Variants in MGAT4C observed in about 807,000 individuals in gnomAD.
MGAT4C encodes alpha-1,3-mannosyl-glycoprotein 4-beta-N-acetylglucosaminyltransferase C.
A neutral mutation model predicts 40.1 loss-of-function variants in MGAT4C; 19 were observed. The observed-to-expected ratio is 0.47, with a 90% CI of 0.33 to 0.70. The LOEUF (loss-of-function observed/expected upper bound fraction) is 0.70. MGAT4C is among the 30% of genes least tolerant of loss of function. The pLI is 0.02. For missense variants in MGAT4C, 491 were observed against 563.2 expected, an observed-to-expected ratio of 0.87 and a Z score of 1.30; for synonymous variants, 181 against 187.1, an observed-to-expected ratio of 0.97 and a Z score of 0.27.
intron 2 of MGAT4C, among the ~76,000 whole-genome samples, chr12:86,045,081 T>G (rs1217000889): frequency 6.6e-6 from 1 of 152,094 alleles, no homozygotes; most frequent in African/African-American, 2.4e-5. Context: ...CCAGGGTCTG[T>G]GTCCTCCTTC....
At chr12:86,650,475 C>T (rs964559413) in intron 2 of MGAT4C, among the ~76,000 whole-genome samples, 1 of 151,840 alleles carries the variant, frequency 6.6e-6, no homozygotes, top group African/African-American at 2.4e-5. Flanking sequence ...ATTAGGTGCA[C>T]AGGAACACAG....
intron 2 of MGAT4C, among the ~76,000 whole-genome samples, chr12:86,595,521 AC>A (rs1436557548): frequency 1.3e-5 from 2 of 149,546 alleles, no homozygotes; most frequent in African/African-American, 4.9e-5. Context: ...ACAGAGTGAA[AC>A]TCTGTCTCAA....
intron 2 of MGAT4C, among the ~76,000 whole-genome samples, chr12:86,588,825 G>T (rs1011280822): frequency 1.1e-4 from 16 of 151,726 alleles, no homozygotes; most frequent in Non-Finnish European, 1.6e-4. Context: ...CGAAATGAAG[G>T]CAGAAATAAA....
At chr12:86,172,646 G>T (rs1365439767) in intron 1 of MGAT4C, among the ~76,000 whole-genome samples, 3 of 152,100 alleles carry the variant, frequency 2.0e-5, no homozygotes, top group South Asian at 2.1e-4. Context: ...TTGAATTATG[G>T]TGTTTATTCA....
intron 1 of MGAT4C, among the ~76,000 whole-genome samples, chr12:86,216,563 G>A (rs910565190): frequency 3.3e-5 from 5 of 152,046 alleles, no homozygotes; most frequent in Non-Finnish European, 7.4e-5. Context: ...GAGCTATTTA[G>A]GTTTATATAT....
intron 2 of MGAT4C, among the ~76,000 whole-genome samples, chr12:86,479,082 A>AT (rs1957889242): frequency 6.6e-6 from 1 of 152,042 alleles, no homozygotes; most frequent in Admixed American, 6.6e-5. Flanking sequence ...ACACTTCCTC[A>AT]TATCTTAAAA....
intron 1 of MGAT4C, among the ~76,000 whole-genome samples, chr12:86,804,709 G>C (rs1353960163): frequency 6.6e-6 from 1 of 151,956 alleles, no homozygotes; most frequent in Non-Finnish European, 1.5e-5. Context: ...TTAAGTGACA[G>C]ATCCCTAAAT....
At chr12:86,411,757 G>A (rs1956609311) in intron 3 of MGAT4C, among the ~76,000 whole-genome samples, 1 of 152,174 alleles carries the variant, frequency 6.6e-6, no homozygotes, top group Non-Finnish European at 1.5e-5. Context: ...CTAAATGTTA[G>A]TAGCCAAGGC....
intron 1 of MGAT4C, among the ~76,000 whole-genome samples, chr12:86,213,006 G>A (rs1355796362): frequency 1.4e-5 from 2 of 147,958 alleles, no homozygotes; most frequent in African/African-American, 2.5e-5. Flanking sequence ...TTAAAAGTAA[G>A]CTCTAAATTG....
rs116104010 is a variant in MGAT4C, at chr12:86,281,755, A to T, written c.-57+52310T>A. ...CCAGCAAACCTGATTCTGCATTCTT[A>T]TCATGCAGTACTGTTTGTGGTAGGT... On this transcript the variant is annotated intron_variant, in intron 4 of 7. Coordinates refer to the MGAT4C transcript ENST00000548651. Among the ~76,000 whole-genome samples the T allele has an allele frequency of 9.6e-3, 1,464 of 152,098 alleles. 21 individuals carry two copies. Among genetic ancestry groups the T allele is most frequent in the African/African-American group, 0.033 (1,377 of 41,480 alleles).
At chr12:86,539,485 C>T (rs1007237026) in intron 2 of MGAT4C, among the ~76,000 whole-genome samples, 83 of 152,216 alleles carry the variant, frequency 5.5e-4, no homozygotes, top group Non-Finnish European at 9.4e-4. Flanking sequence ...AATAAACATA[C>T]GTGTGCATGT....
At chr12:86,781,850 G>T (rs900488069) in intron 1 of MGAT4C, among the ~76,000 whole-genome samples, 11 of 152,024 alleles carry the variant, frequency 7.2e-5, no homozygotes, top group African/African-American at 2.7e-4. Flanking sequence ...GTGTAGGTTT[G>T]TATAGAATTG....
At chr12:86,786,869 T>C (rs1951939167) in intron 1 of MGAT4C, among the ~76,000 whole-genome samples, 1 of 152,174 alleles carries the variant, frequency 6.6e-6, no homozygotes, top group Non-Finnish European at 1.5e-5. Flanking sequence ...ATTTTGTTTA[T>C]AATACTTTCC....
Position 86,362,238 on chromosome 12 carries a change from C to T in MGAT4C, c.-119-28111G>A, listed in dbSNP as rs75118306. Among the ~76,000 whole-genome samples, 3,097 of 152,138 alleles carry T rather than the reference C, an allele frequency of 0.02. 224 individuals carry two copies. The East Asian group carries it at 0.25, about 12-fold the overall frequency. On this transcript the variant is annotated intron_variant, in intron 3 of 7. Transcript: ENST00000548651. ...CATTCTCAGCAAACTATCGCAAGGA[C>T]GGAAAACCAAACACTGCATGTTCTC... is the stretch of plus-strand genomic sequence containing the variant.
intron 1 of MGAT4C, among the ~76,000 whole-genome samples, chr12:86,242,205 C>A (rs1456790923): frequency 6.6e-6 from 1 of 152,134 alleles, no homozygotes; most frequent in Non-Finnish European, 1.5e-5. Flanking sequence ...AGTTAACAGG[C>A]AGACATTGAT....
At chr12:86,835,243 A>G (rs946343095) in intron 1 of MGAT4C, among the ~76,000 whole-genome samples, 1 of 151,968 alleles carries the variant, frequency 6.6e-6, no homozygotes, top group African/African-American at 2.4e-5. Flanking sequence ...TTGAGACCCA[A>G]TAAAAACAGT....
intron 1 of MGAT4C, among the ~76,000 whole-genome samples, chr12:86,756,330 G>A (rs185097900): frequency 2.1e-4 from 32 of 151,970 alleles, no homozygotes; most frequent in Admixed American, 2.0e-3. Flanking sequence ...TGTGAGTCCC[G>A]CCTACACAAC....
chr12:86,379,147 A>AC lies in MGAT4C; in HGVS notation c.-119-45021dup, dbSNP rs1565717906. Among the ~76,000 whole-genome samples, 24 of 152,218 alleles carry AC rather than the reference A, an allele frequency of 1.6e-4. 1 individual carries two copies. In the South Asian group the frequency reaches 5.0e-3, roughly 32 times the overall value. ...TATTTATTTTTAAAATATTGGTAAT[A>AC]CTCATATTTACCTTATAAATTTGTG... is the stretch of plus-strand genomic sequence containing the variant. On this transcript the variant is annotated intron_variant, in intron 3 of 7. Transcript: ENST00000548651.
intron 2 of MGAT4C, among the ~76,000 whole-genome samples, chr12:86,481,321 A>AT (rs1242915752): frequency 5.9e-5 from 9 of 152,002 alleles, no homozygotes; most frequent in Middle Eastern, 3.2e-3. Flanking sequence ...ATTGGCAAAG[A>AT]TTTTTTTAAA....
Sources: gnomAD v4.1 joint callset for allele counts (sites outside exome capture counted in the v4.1 genomes callset) on GRCh38, gnomAD v4.1.1 for gene constraint, MANE v1.5 for transcripts, NCBI Gene and HGNC (gene_info 2026-07-23, HGNC 2026-07-21) for gene names.